The following PDE4D variants were observed in gnomAD, a reference collection of about 807,000 sequenced individuals.
PDE4D encodes the protein phosphodiesterase 4D.
A neutral mutation model predicts 87.4 loss-of-function variants in PDE4D; 24 were observed. The ratio of observed to expected loss-of-function variants is 0.27; its 90% CI spans 0.20 to 0.39. The LOEUF (loss-of-function observed/expected upper bound fraction) is 0.39. PDE4D is among the 10% of genes least tolerant of loss of function. PDE4D has a pLI of 1.00. For synonymous variants in PDE4D, 384 were observed against 383.2 expected (o/e 1.00, Z -0.02); for missense variants, 714 against 1,041.0 (o/e 0.69, Z 4.32).
intron 1 of PDE4D, among the ~76,000 whole-genome samples, chr5:59,578,125 A>C (rs1823485487): frequency 6.6e-6 from 1 of 152,174 alleles, no homozygotes; most frequent in East Asian, 1.9e-4. Flanking sequence ...GCAAAGCTGA[A>C]TCATTTTGGC....
chr5:59,026,582 T>A (rs910863695), intron 6 of PDE4D, among the ~76,000 whole-genome samples: 1 of 151,966 alleles, frequency 6.6e-6, no homozygotes, highest in Non-Finnish European at 1.5e-5. Context: ...ATCAGAACAA[T>A]AAAACAGAGA....
intron 1 of PDE4D, among the ~76,000 whole-genome samples, chr5:59,477,272 AAAAC>A (rs1803431426): frequency 6.6e-6 from 1 of 151,572 alleles, no homozygotes; most frequent in African/African-American, 2.4e-5. Flanking sequence ...TTATTCTTAA[AAAAC>A]AAAAGGACAT....
At chr5:59,854,820 C>T (rs1300677832) in intron 1 of PDE4D, among the ~76,000 whole-genome samples, 1 of 152,130 alleles carries the variant, frequency 6.6e-6, no homozygotes, top group Non-Finnish European at 1.5e-5. Flanking sequence ...CTCTCCCACT[C>T]AGCCTCTCTC....
chr5:59,793,189 T>C (rs1446804663), intron 1 of PDE4D, among the ~76,000 whole-genome samples: 1 of 152,160 alleles, frequency 6.6e-6, no homozygotes, highest in Non-Finnish European at 1.5e-5. Flanking sequence ...GCAGAATGAC[T>C]CAGGAACCAC....
intron 1 of PDE4D, among the ~76,000 whole-genome samples, chr5:60,409,824 G>A (rs368437508): frequency 8.5e-5 from 13 of 152,260 alleles, no homozygotes; most frequent in African/African-American, 2.9e-4. Flanking sequence ...ATGAAGATTT[G>A]GCCTAGAAGA....
At chr5:59,083,512 A>G (rs1767140008) in intron 5 of PDE4D, among the ~76,000 whole-genome samples, 1 of 151,712 alleles carries the variant, frequency 6.6e-6, no homozygotes, top group Non-Finnish European at 1.5e-5. Context: ...TTTGCTCTAT[A>G]TTCTAAGATA....
chr5:59,757,092 C>G (rs1028796237), intron 1 of PDE4D, among the ~76,000 whole-genome samples: 2 of 152,076 alleles, frequency 1.3e-5, no homozygotes, highest in Non-Finnish European at 2.9e-5. Context: ...ACTACCGCAC[C>G]CGGCCGGTTC....
At chr5:60,095,499 C>T (rs868430929) in intron 2 of PDE4D, among the ~76,000 whole-genome samples, 10 of 151,994 alleles carry the variant, frequency 6.6e-5, no homozygotes, top group Admixed American at 1.3e-4. Flanking sequence ...TGAAAAGTGC[C>T]GCAGTAAACA....
At chr5:60,007,690 A>T (rs1296420743) in intron 2 of PDE4D, among the ~76,000 whole-genome samples, 1 of 152,034 alleles carries the variant, frequency 6.6e-6, no homozygotes, top group Non-Finnish European at 1.5e-5. Context: ...CATCTACTTC[A>T]GTATTTCCCT....
chr5:60,321,018 CA>C (rs1443894763), intron 1 of PDE4D, among the ~76,000 whole-genome samples: 1 of 152,148 alleles, frequency 6.6e-6, no homozygotes, highest in African/African-American at 2.4e-5. Context: ...GTCAAACTAC[CA>C]ATGACATTTT....
At chr5:59,973,421 T>C (rs1410990331) in intron 3 of PDE4D, among the ~76,000 whole-genome samples, 2 of 152,344 alleles carry the variant, frequency 1.3e-5, no homozygotes, top group South Asian at 2.1e-4. Flanking sequence ...ACATTCTAAA[T>C]ACTTCCATGT....
intron 1 of PDE4D, among the ~76,000 whole-genome samples, chr5:59,551,471 T>TCACACACACACACACACA (rs34301317): frequency 6.7e-6 from 1 of 148,810 alleles, no homozygotes; most frequent in African/African-American, 2.5e-5. Flanking sequence ...GCTACTTCAG[T>TCACACACACACACACACA]CACACACACA....
At chr5:60,328,224 G>A (rs923361423) in intron 1 of PDE4D, among the ~76,000 whole-genome samples, 4 of 152,166 alleles carry the variant, frequency 2.6e-5, no homozygotes, top group Admixed American at 2.6e-4. Flanking sequence ...GTGGTTGGCA[G>A]CACCTAGGTA....
intron 1 of PDE4D, among the ~76,000 whole-genome samples, chr5:60,502,529 A>G (rs1325416225): frequency 1.3e-5 from 2 of 152,156 alleles, no homozygotes; most frequent in African/African-American, 4.8e-5. Context: ...GTTTTTTCCA[A>G]TTCTGTGAAG....
At chr5:60,387,340 A>G (rs369766752) in intron 1 of PDE4D, among the ~76,000 whole-genome samples, 151 of 152,344 alleles carry the variant, frequency 9.9e-4, no homozygotes, top group African/African-American at 3.5e-3. Flanking sequence ...CAATGACGTC[A>G]ATGTTAGAGC....
rs1177768500 is a variant in PDE4D at position 58,973,472 on chromosome 5, A to AAAT, written c.*1189_*1191dup. The AAAT allele has an allele frequency of 1.3e-5, 2 of 152,594 alleles. No homozygotes were observed. The highest frequency in any genetic ancestry group is 2.9e-5 in the Non-Finnish European group (2 of 68,024). The allele number at this position is 152,594 out of a possible 1,614,324, so 9.5% of individuals were successfully genotyped here. On this transcript the variant is annotated 3_prime_UTR_variant, in exon 15 of 15. Coordinates refer to ENST00000340635, the MANE Select transcript of PDE4D (RefSeq NM_001104631.2). ...GAAATGTGTGGATTATTAGAGCATG[A>AAAT]AATGTGTGGATTATTAGAAAGACAT...
intron 12 of PDE4D, 29 bp from the exon 13 acceptor site, chr5:58,976,501 C>T (rs751176300): frequency 6.8e-7 from 1 of 1,473,290 alleles, no homozygotes; most frequent in Non-Finnish European, 9.2e-7. Flanking sequence ...TTATTAAGTT[C>T]AGAGAAAACA....
intron 1 of PDE4D, among the ~76,000 whole-genome samples, chr5:60,371,846 T>G (rs1404774930): frequency 4.6e-5 from 7 of 152,330 alleles, no homozygotes; most frequent in East Asian, 1.9e-4. Context: ...CTCATTCTTC[T>G]TTATTGCTAC....
intron 2 of PDE4D, among the ~76,000 whole-genome samples, chr5:60,130,736 C>G (rs893281318): frequency 6.6e-6 from 1 of 152,100 alleles, no homozygotes; most frequent in South Asian, 2.1e-4. Flanking sequence ...AAAGATGACA[C>G]AGTGGTTTGG....
Sources: gnomAD v4.1 joint callset for allele counts (sites outside exome capture counted in the v4.1 genomes callset) on GRCh38, gnomAD v4.1.1 for gene constraint, MANE v1.5 for transcripts, NCBI Gene and HGNC (gene_info 2026-07-23, HGNC 2026-07-21) for gene names.